Variants in LRMDA observed in about 807,000 individuals in gnomAD.
LRMDA encodes the protein leucine-rich melanocyte differentiation-associated protein.
In LRMDA, 18 loss-of-function variants were observed where a neutral mutation model predicts 29.8. That is an observed-to-expected ratio of 0.60 (90% confidence interval 0.42 to 0.90). LRMDA has a LOEUF of 0.90. Ranked by LOEUF, LRMDA falls within the 40% of genes least tolerant of loss-of-function variation. The pLI is 0.00. For missense variants in LRMDA, 273 were observed against 273.9 expected, an observed-to-expected ratio of 1.00 and a Z score of 0.02; for synonymous variants, 125 against 109.4, an observed-to-expected ratio of 1.14 and a Z score of -0.89.
chr10:75,442,225 A>G (rs1386389304), intron 2 of LRMDA, among the ~76,000 whole-genome samples: 1 of 152,250 alleles, frequency 6.6e-6, no homozygotes, highest in Non-Finnish European at 1.5e-5. Flanking sequence ...ACTGAGCTGA[A>G]GCTAATTAAC....
intron 2 of LRMDA, among the ~76,000 whole-genome samples, chr10:75,867,426 G>T (rs1845039531): frequency 6.6e-6 from 1 of 152,164 alleles, no homozygotes. Context: ...CTCCCAAAGT[G>T]CTGGGATTAC....
chr10:75,709,230 T>A (rs1842406440), intron 2 of LRMDA, among the ~76,000 whole-genome samples: 2 of 152,228 alleles, frequency 1.3e-5, no homozygotes, highest in Non-Finnish European at 2.9e-5. Context: ...TGAAATTAAA[T>A]TTTTAAAGAG....
intron 2 of LRMDA, among the ~76,000 whole-genome samples, chr10:75,490,488 G>A (rs1359834418): frequency 6.6e-6 from 1 of 152,066 alleles, no homozygotes; most frequent in Non-Finnish European, 1.5e-5. Flanking sequence ...TTGGGGTCAA[G>A]GAATAGAAAC....
intron 2 of LRMDA, among the ~76,000 whole-genome samples, chr10:76,034,941 C>T (rs1042667127): frequency 2.0e-5 from 3 of 152,050 alleles, no homozygotes; most frequent in African/African-American, 7.2e-5. Context: ...CCTCTGCCGG[C>T]CGGCTTGCTT....
intron 6 of LRMDA, among the ~76,000 whole-genome samples, chr10:76,383,677 G>A (rs1438074307): frequency 1.3e-5 from 2 of 151,162 alleles, no homozygotes; most frequent in Middle Eastern, 3.4e-3. Context: ...TGATCCACCC[G>A]ACTCGGCCTC....
At chr10:76,155,251 A>G (rs1040408327) in intron 5 of LRMDA, among the ~76,000 whole-genome samples, 4 of 152,222 alleles carry the variant, frequency 2.6e-5, no homozygotes, top group South Asian at 2.1e-4. Flanking sequence ...CAGATCTAGT[A>G]TTCCAGACAT....
chr10:75,481,384 T>C (rs1409589501), intron 2 of LRMDA, among the ~76,000 whole-genome samples: 1 of 152,266 alleles, frequency 6.6e-6, no homozygotes, highest in Admixed American at 6.5e-5. Flanking sequence ...GGTCACATGC[T>C]GCAAAGAGGA....
intron 2 of LRMDA, among the ~76,000 whole-genome samples, chr10:75,860,046 C>A (rs1421185914): frequency 3.9e-5 from 6 of 152,090 alleles, no homozygotes; most frequent in Non-Finnish European, 7.4e-5. Flanking sequence ...TATAAAATTT[C>A]TAATTATACA....
intron 2 of LRMDA, among the ~76,000 whole-genome samples, chr10:75,458,297 T>C (rs1168164192): frequency 6.6e-6 from 1 of 152,198 alleles, no homozygotes; most frequent in Non-Finnish European, 1.5e-5. Context: ...TCCTATGGCA[T>C]TGGTTGTTTA....
At chr10:75,563,412 A>G (rs981405472) in intron 2 of LRMDA, among the ~76,000 whole-genome samples, 6 of 152,066 alleles carry the variant, frequency 3.9e-5, no homozygotes, top group African/African-American at 1.5e-4. Context: ...TGTATTGGTT[A>G]TGCTAGTTAT....
chr10:75,442,892 G>A (rs183103485), intron 2 of LRMDA, among the ~76,000 whole-genome samples: 25 of 151,948 alleles, frequency 1.6e-4, no homozygotes, highest in Admixed American at 1.1e-3. Flanking sequence ...TCAATGTTTT[G>A]TAGTTTTCAT....
At chr10:76,077,252 A>C (rs1848975001) in intron 5 of LRMDA, among the ~76,000 whole-genome samples, 1 of 152,192 alleles carries the variant, frequency 6.6e-6, no homozygotes, top group African/African-American at 2.4e-5. Flanking sequence ...TCCTACTTAG[A>C]GGTGATGGCG....
intron 2 of LRMDA, among the ~76,000 whole-genome samples, chr10:75,731,203 G>A (rs933234045): frequency 3.3e-5 from 5 of 152,208 alleles, no homozygotes; most frequent in African/African-American, 1.2e-4. Context: ...AAGTGAAACA[G>A]AGCAGACATA....
intron 2 of LRMDA, among the ~76,000 whole-genome samples, chr10:75,593,338 A>G (rs948517303): frequency 1.3e-5 from 2 of 152,228 alleles, no homozygotes; most frequent in Non-Finnish European, 2.9e-5. Flanking sequence ...TTTGGCACAC[A>G]ATGCTGAGGA....
chr10:75,510,500 G>T (rs546235211), intron 2 of LRMDA, among the ~76,000 whole-genome samples: 1 of 152,326 alleles, frequency 6.6e-6, no homozygotes, highest in Admixed American at 6.5e-5. Context: ...AGCACTAGAG[G>T]GGGTGGAGTA....
At chr10:75,962,726 A>T (rs1846790688) in intron 2 of LRMDA, among the ~76,000 whole-genome samples, 1 of 152,230 alleles carries the variant, frequency 6.6e-6, no homozygotes, top group Admixed American at 6.5e-5. Context: ...TTCAGTGTGC[A>T]ACCTGTACCT....
In LRMDA at chr10:75,431,702, G is replaced by T. The variant is rs1471753028; in HGVS notation, c.-23G>T. ...GCCGCGCCCCCGCGCTCCGTCCCGCGCGCCCGCAGCGTCCTGGCCGCCATG... is the reference window on the plus strand; with the variant it reads ...GCCGCGCCCCCGCGCTCCGTCCCGCTCGCCCGCAGCGTCCTGGCCGCCATG... On this transcript the variant is annotated 5_prime_UTR_variant, in exon 1 of 7. Transcript: ENST00000611255. The T allele has an allele frequency of 7.7e-7, 1 of 1,304,960 alleles. No homozygotes were observed. The highest frequency in any genetic ancestry group is 9.7e-7 in the Non-Finnish European group (1 of 1,031,000). The allele number at this position is 1,304,960 out of a possible 1,614,324, so 80.8% of individuals were successfully genotyped here. A position where few individuals can be genotyped will look rare whatever the true frequency, so the allele number is the denominator to read the frequency against.
chr10:75,530,984 A>T (rs763897598), intron 2 of LRMDA, among the ~76,000 whole-genome samples: 3 of 151,894 alleles, frequency 2.0e-5, no homozygotes, highest in South Asian at 2.1e-4. Flanking sequence ...TTGAATGGGG[A>T]CTATTTCAGG....
At chr10:75,782,918 GC>G in intron 2 of LRMDA, 1 of 1,610,586 alleles carries the variant, frequency 6.2e-7, no homozygotes, top group Non-Finnish European at 8.5e-7. Context: ...GCCAACAGTG[GC>G]ATCTGCTCAG....
Sources: allele counts gnomAD v4.1 joint callset (sites outside exome capture counted in the v4.1 genomes callset), GRCh38; gene constraint gnomAD v4.1.1; transcripts MANE v1.5; gene names NCBI Gene and HGNC (gene_info 2026-07-23, HGNC 2026-07-21).